The following LAMA3 variants were observed in gnomAD, a reference collection of about 807,000 sequenced individuals.
LAMA3 encodes the protein laminin subunit alpha 3, also known as laminin subunit alpha-3.
A neutral mutation model predicts 402.0 loss-of-function variants in LAMA3; 281 were observed. That is an observed-to-expected ratio of 0.70 (90% CI 0.63 to 0.77). The LOEUF (loss-of-function observed/expected upper bound fraction) is 0.77, where lower values mean the gene tolerates loss of function less well. LAMA3 is among the 30% of genes least tolerant of loss of function. The probability of loss-of-function intolerance (pLI) is 0.00; values close to 1 mark genes in which losing one functional copy is unlikely to be tolerated. For synonymous variants in LAMA3, 1,431 were observed against 1,558.4 expected (o/e 0.92, Z 1.93); for missense variants, 3,840 against 4,215.5 (o/e 0.91, Z 2.47).
At chr18:23,909,667 A>G (rs1206142563) in intron 55 of LAMA3, among the ~76,000 whole-genome samples, 2 of 152,184 alleles carry the variant, frequency 1.3e-5, no homozygotes, top group Non-Finnish European at 2.9e-5. Flanking sequence ...TTGTAACTTG[A>G]AAGTTGTAGA....
At chr18:23,700,095 T>C (rs1199381825) in intron 1 of LAMA3, among the ~76,000 whole-genome samples, 1 of 152,228 alleles carries the variant, frequency 6.6e-6, no homozygotes, top group Non-Finnish European at 1.5e-5. Flanking sequence ...TTTATCCTTA[T>C]CTAAAGATCC....
chr18:23,796,448 G>A (rs2062765218), intron 12 of LAMA3, among the ~76,000 whole-genome samples: 1 of 152,150 alleles, frequency 6.6e-6, no homozygotes, highest in Non-Finnish European at 1.5e-5. Context: ...AGCCAAGACA[G>A]GGTGGCAAAA....
rs112984468 is a variant in LAMA3, at chr18:23,898,597, A to G, written c.5614-141A>G. ...AGAAAATAGATTCCTTATGTAACCT[A>G]TTTCCAAGAACCACATTTGTGTGTG... On this transcript the variant is annotated intron_variant, in intron 44 of 74. Transcript: ENST00000313654. 1,075 of 687,506 alleles carry G rather than the reference A, an allele frequency of 1.6e-3. 19 individuals carry two copies. The Admixed American group carries it at 0.021, about 13-fold the overall frequency. 42.6% of individuals were successfully genotyped at this position (687,506 alleles called of 1,614,324 possible).
chr18:23,955,007 T>G lies in LAMA3; in HGVS notation c.*359T>G. On this transcript the variant is annotated 3_prime_UTR_variant, in exon 75 of 75. Coordinates refer to ENST00000313654, the MANE Select transcript of LAMA3 (RefSeq NM_198129.4). ...TTAAAGCACTTTAAGAATATGAAAC[T>G]TTCATATATGTTAAAGGATTATAAT... is the stretch of plus-strand genomic sequence containing the variant. 1.0e-5 allele frequency: 3 copies of G among 286,640 alleles called. No homozygotes were observed. In the South Asian group the frequency reaches 1.1e-4, roughly 10 times the overall value. The allele number at this position is 286,640 out of a possible 1,614,324, so 17.8% of individuals were successfully genotyped here.
intron 40 of LAMA3, among the ~76,000 whole-genome samples, chr18:23,882,317 C>T (rs544797004): frequency 2.2e-4 from 33 of 152,056 alleles, no homozygotes; most frequent in Non-Finnish European, 3.7e-4. Context: ...TTAAAATGAA[C>T]AAACACGACA....
chr18:23,690,872 A>ATTAT (rs10665618), intron 1 of LAMA3, among the ~76,000 whole-genome samples: 24,613 of 136,768 alleles, frequency 0.18, 2,412 homozygotes, highest in East Asian at 0.32. Context: ...AGGCCTGGCA[A>ATTAT]TTATTTATTT....
rs2063735971 is a variant in LAMA3, at chr18:23,842,892, T to C, written c.3603+142T>C. 3 of 1,019,836 alleles carry C rather than the reference T, an allele frequency of 2.9e-6. No individual in the cohort carries two copies. In the Admixed American group the frequency reaches 6.0e-5, roughly 20 times the overall value. 63.2% of individuals were successfully genotyped at this position (1,019,836 alleles called of 1,614,324 possible). On this transcript the variant is annotated intron_variant, in intron 29 of 74. Transcript: ENST00000313654. Reference sequence around the variant, plus strand: ...AAAATGTTTAAATTTTACAGCTGTCTTTTACCCCCCAATAAATAAATAAAT... The same window carrying C: ...AAAATGTTTAAATTTTACAGCTGTCCTTTACCCCCCAATAAATAAATAAAT...
chr18:23,746,683 A>C (rs1335477660), intron 2 of LAMA3, among the ~76,000 whole-genome samples: 1 of 152,104 alleles, frequency 6.6e-6, no homozygotes, highest in Admixed American at 6.5e-5. Flanking sequence ...GTATATCTAA[A>C]AGTTTTTTAA....
chr18:23,941,471 T>G (rs1384812711), intron 68 of LAMA3, among the ~76,000 whole-genome samples: 1 of 152,218 alleles, frequency 6.6e-6, no homozygotes, highest in Non-Finnish European at 1.5e-5. Flanking sequence ...GGTAAAATTT[T>G]TTAAAAAGTC....
chr18:23,777,333 C>T (rs1250891594), intron 10 of LAMA3, among the ~76,000 whole-genome samples: 1 of 151,720 alleles, frequency 6.6e-6, no homozygotes, highest in Non-Finnish European at 1.5e-5. Flanking sequence ...GAGCACGAAA[C>T]ATTCATTTCT....
chr18:23,822,436 T>C, intron 20 of LAMA3, 61 bp downstream of exon 20: 3 of 1,533,624 alleles, frequency 2.0e-6, no homozygotes, highest in Non-Finnish European at 2.7e-6. Context: ...AGTGAAACAC[T>C]TTCTCTGATT....
rs2081298839 is a variant in LAMA3, at chr18:23,907,829, G to A, written c.6909G>A (p.Leu2303=). ...RKANDITDEV[L]DGLNPIQTDV... is the part of the protein sequence containing the mutation. ...CCAACGACATCACAGATGAGGTTCTGGATGGGCTCAACCCCATCCAGACAG... is the reference window on the plus strand; with the variant it reads ...CCAACGACATCACAGATGAGGTTCTAGATGGGCTCAACCCCATCCAGACAG... Residue 2303 remains leucine (L), a synonymous_variant, in exon 54 of 75, where the codon CTG becomes CTA. Transcript: ENST00000313654. The A allele has an allele frequency of 6.2e-7, 1 of 1,614,056 alleles. No homozygotes were observed. The highest frequency in any genetic ancestry group is 1.1e-5 in the South Asian group (1 of 91,084).
intron 32 of LAMA3, among the ~76,000 whole-genome samples, chr18:23,849,136 G>A (rs1012107008): frequency 6.6e-6 from 1 of 152,216 alleles, no homozygotes; most frequent in Non-Finnish European, 1.5e-5. Flanking sequence ...CTCAGGTAGT[G>A]GGGGGTAGAA....
chr18:23,780,476 AG>A (rs1416936354), intron 11 of LAMA3, among the ~76,000 whole-genome samples: 1 of 152,124 alleles, frequency 6.6e-6, no homozygotes. Flanking sequence ...GGCAGGGAAG[AG>A]AAGCCGTGGG....
intron 12 of LAMA3, among the ~76,000 whole-genome samples, chr18:23,795,292 A>C (rs1462431018): frequency 6.6e-6 from 1 of 152,242 alleles, no homozygotes; most frequent in Non-Finnish European, 1.5e-5. Context: ...GGCAGATATG[A>C]AACTTAAGAT....
intron 15 of LAMA3, 135 bp downstream of exon 15, chr18:23,814,637 T>G (rs945404972): frequency 1.5e-6 from 1 of 662,314 alleles, no homozygotes; most frequent in Non-Finnish European, 2.7e-6. Context: ...TGTTCTGATG[T>G]TTTCCCCCCA....
chr18:23,893,559 GGTGA>G (rs755863977), intron 42 of LAMA3, among the ~76,000 whole-genome samples: 4 of 151,986 alleles, frequency 2.6e-5, no homozygotes, highest in Admixed American at 1.3e-4. Context: ...GTCCAACCTG[GGTGA>G]GAGAGTGAGA....
intron 64 of LAMA3, among the ~76,000 whole-genome samples, chr18:23,929,050 G>A (rs1054843061): frequency 2.0e-5 from 3 of 152,206 alleles, no homozygotes; most frequent in African/African-American, 7.2e-5. Flanking sequence ...AAGAGTTAAG[G>A]TGGATTATAA....
intron 8 of LAMA3, among the ~76,000 whole-genome samples, chr18:23,769,428 A>T (rs1225224366): frequency 6.6e-6 from 1 of 152,248 alleles, no homozygotes; most frequent in Non-Finnish European, 1.5e-5. Context: ...TATAAAATGC[A>T]TGTAAATATA....
Sources: gnomAD v4.1 joint callset for allele counts (sites outside exome capture counted in the v4.1 genomes callset) on GRCh38, gnomAD v4.1.1 for gene constraint, MANE v1.5 for transcripts, NCBI Gene and HGNC (gene_info 2026-07-23, HGNC 2026-07-21) for gene names.